The following COL8A2 variants were observed in gnomAD, a reference collection of about 807,000 sequenced individuals.
COL8A2 encodes collagen type VIII alpha 2 chain, also known as collagen alpha-2(VIII) chain.
In COL8A2, 16 loss-of-function variants were observed where a neutral mutation model predicts 24.0. The observed-to-expected ratio is 0.67, with a 90% CI of 0.45 to 1.01. The LOEUF is 1.01. Ranked by LOEUF, COL8A2 falls within the 50% of genes least tolerant of loss-of-function variation. The probability of loss-of-function intolerance (pLI) is 0.00; values close to 1 mark genes in which losing one functional copy is unlikely to be tolerated. For missense variants in COL8A2, 818 were observed against 942.4 expected (o/e 0.87, Z 1.73); for synonymous variants, 466 against 424.5 (o/e 1.10, Z -1.20).
At chr1:36,108,363 T>A (rs1167138053) in intron 2 of COL8A2, among the ~76,000 whole-genome samples, 1 of 152,222 alleles carries the variant, frequency 6.6e-6, no homozygotes, top group East Asian at 1.9e-4. Flanking sequence ...GGCTCAAGCC[T>A]GGCTCTGCCC....
chr1:36,112,746 T>G (rs1378124028), intron 2 of COL8A2, among the ~76,000 whole-genome samples: 1 of 152,192 alleles, frequency 6.6e-6, no homozygotes, highest in Non-Finnish European at 1.5e-5. Flanking sequence ...CCACAATGCT[T>G]CTAACACTTT....
At chr1:36,124,965 G>T in intron 1 of COL8A2, 92 bp downstream of exon 1, 1 of 445,960 alleles carries the variant, frequency 2.2e-6, no homozygotes, top group Non-Finnish European at 3.0e-6. Flanking sequence ...CGCCGGCCCT[G>T]CTATCCCGCA....
chr1:36,110,039 C>G (rs1375016361), intron 2 of COL8A2, among the ~76,000 whole-genome samples: 1 of 151,210 alleles, frequency 6.6e-6, no homozygotes, highest in South Asian at 2.1e-4. Flanking sequence ...ACGCCATTCT[C>G]CTGCCTCAGC....
chr1:36,118,222 G>C (rs966990385), intron 1 of COL8A2, among the ~76,000 whole-genome samples: 1 of 152,204 alleles, frequency 6.6e-6, no homozygotes, highest in Non-Finnish European at 1.5e-5. Flanking sequence ...CATTCTCTAA[G>C]GAAACCAGGC....
intron 2 of COL8A2, among the ~76,000 whole-genome samples, chr1:36,111,542 TCC>T (rs1342524278): frequency 1.7e-5 from 2 of 118,464 alleles, no homozygotes; most frequent in African/African-American, 6.6e-5. Context: ...CTACGATGTC[TCC>T]CCTGAGCCAT....
chr1:36,121,494 G>A (rs1462850543), intron 1 of COL8A2, among the ~76,000 whole-genome samples: 1 of 151,484 alleles, frequency 6.6e-6, no homozygotes, highest in African/African-American at 2.4e-5. Flanking sequence ...GCCAAGGCGG[G>A]CGGATCACCT....
At chr1:36,102,302 C>A (rs1016720734) in intron 2 of COL8A2, among the ~76,000 whole-genome samples, 1 of 152,120 alleles carries the variant, frequency 6.6e-6, no homozygotes, top group South Asian at 2.1e-4. Context: ...ATAGGCAAAT[C>A]CATAGAGACA....
At chr1:36,113,214 G>T (rs566189512) in intron 2 of COL8A2, among the ~76,000 whole-genome samples, 2 of 152,158 alleles carry the variant, frequency 1.3e-5, no homozygotes, top group Admixed American at 1.3e-4. Context: ...TCAGTCCATC[G>T]CTGTGTGTCA....
Position 36,099,058 on chromosome 1 carries a change from T to C in COL8A2, c.623A>G (p.Asn208Ser). 1 of 1,510,124 alleles carries C rather than the reference T, an allele frequency of 6.6e-7. No homozygotes were observed. Among genetic ancestry groups the C allele is most frequent in the South Asian group, 1.3e-5 (1 of 77,816 alleles). 93.5% of individuals were successfully genotyped at this position (1,510,124 alleles called of 1,614,324 possible). The part of the protein sequence containing the change: ...PPGDRGLKGD[N>S]GVGQPGLPGA... ...AGGCAGCCCGGGCTGGCCCACTCCA[T>C]TATCCCCCTTGAGGCCTCGATCACC... Residue 208 changes from asparagine to serine, a missense_variant, in exon 4 of 4, where the codon AAT becomes AGT. Asn to Ser is a conservative substitution (Grantham distance 46, BLOSUM62 1). Around this residue, in one of 3 missense-constraint regions of COL8A2, gnomAD observed 573 missense variants for 616.8 expected, o/e 0.93. Coordinates refer to ENST00000397799, the MANE Select transcript of COL8A2 (RefSeq NM_005202.4).
At position 36,095,696 on chromosome 1, in the gene COL8A2, T is replaced by C. The variant is rs888165512; in HGVS notation, c.*1873A>G. On this transcript the variant is annotated 3_prime_UTR_variant, in exon 4 of 4. Transcript: ENST00000397799. ...CCCTACTTAGTTCCGTGGGCTCCCA[T>C]TGGGAGCTGATTAATTTCTGCCAAT... The C allele has an allele frequency of 1.3e-5, 2 of 152,130 alleles. No homozygotes were observed. The highest frequency in any genetic ancestry group is 2.9e-5 in the Non-Finnish European group (2 of 68,004). 9.4% of individuals were successfully genotyped at this position (152,130 alleles called of 1,614,324 possible). A position where few individuals can be genotyped will look rare whatever the true frequency, so the allele number is the denominator to read the frequency against.
intron 2 of COL8A2, among the ~76,000 whole-genome samples, chr1:36,104,124 G>T (rs1238721605): frequency 1.3e-5 from 2 of 152,028 alleles, no homozygotes; most frequent in Admixed American, 6.6e-5. Context: ...AACCTGGGAG[G>T]CGGAGCTCAC....
In COL8A2 at chr1:36,122,162, T is replaced by C. The variant is rs1295035899; in HGVS notation, c.-62+2895A>G. On this transcript the variant is annotated intron_variant, in intron 1 of 3. Coordinates refer to ENST00000397799, the MANE Select transcript of COL8A2 (RefSeq NM_005202.4). ...GGAAGATCTAGGTGCTGTGCCCCCA[T>C]TGCATGTGTGACCTGGAACTACTCC... Among the ~76,000 whole-genome samples the C allele has an allele frequency of 2.6e-5, 4 of 152,224 alleles. No homozygotes were observed. In the South Asian group the frequency reaches 6.2e-4, roughly 24 times the overall value.
intron 1 of COL8A2, among the ~76,000 whole-genome samples, chr1:36,121,204 T>C (rs1643911537): frequency 6.8e-6 from 1 of 146,436 alleles, no homozygotes; most frequent in African/African-American, 2.5e-5. Context: ...GCCTGGCCGA[T>C]ACAGTGAAAC....
In COL8A2 at chr1:36,102,674, T is replaced by G. The variant is rs1294786344; in HGVS notation, c.-16-2416A>C. ...ATATCTATAAAGCTGGTTTTTTGTT[T>G]TTTTTTTTTTTTTTTGAGATGGAGT... On this transcript the variant is annotated intron_variant, in intron 2 of 3. Transcript: ENST00000397799. Among the ~76,000 whole-genome samples, 5 of 134,554 alleles carry G rather than the reference T, an allele frequency of 3.7e-5. 1 individual carries two copies. Among genetic ancestry groups the G allele is most frequent in the African/African-American group, 1.1e-4 (4 of 36,444 alleles). The allele number at this position is 134,554 out of a possible 152,430, so 88.3% of individuals were successfully genotyped here. A position where few individuals can be genotyped will look rare whatever the true frequency, so the allele number is the denominator to read the frequency against.
chr1:36,102,558 G>T (rs758710426), intron 2 of COL8A2, among the ~76,000 whole-genome samples: 2 of 151,050 alleles, frequency 1.3e-5, no homozygotes, highest in Admixed American at 1.3e-4. Flanking sequence ...TTCAAAAATT[G>T]ATTGTGGTGA....
chr1:36,103,483 C>T (rs555545009), intron 2 of COL8A2, among the ~76,000 whole-genome samples: 1 of 151,836 alleles, frequency 6.6e-6, no homozygotes, highest in East Asian at 1.9e-4. Context: ...CTGTGTTAGC[C>T]AGGATGGTCT....
chr1:36,104,496 A>T (rs1287821200), intron 2 of COL8A2, among the ~76,000 whole-genome samples: 1 of 149,556 alleles, frequency 6.7e-6, no homozygotes, highest in Admixed American at 6.7e-5. Context: ...GCCTCAAATA[A>T]ATAAATAAAT....
rs556550937 is a variant in COL8A2, at chr1:36,115,133, C to T, written c.-17+575G>A. 5.9e-5 allele frequency among the ~76,000 whole-genome samples: 9 copies of T among 152,254 alleles called. No individual in the cohort carries two copies. In the South Asian group the frequency reaches 1.7e-3, roughly 28 times the overall value. ...CAGGGGCTCCGGCCTCAGCTGGGGC[C>T]GTCGCTTGCCTCCCAGCAGAGGCCT... On this transcript the variant is annotated intron_variant, in intron 2 of 3. Transcript: ENST00000397799. The surrounding 1 kb of genome is among the most constrained non-coding windows in gnomAD (Gnocchi z 5.7).
chr1:36,102,146 C>G (rs945422168), intron 2 of COL8A2, among the ~76,000 whole-genome samples: 1 of 152,102 alleles, frequency 6.6e-6, no homozygotes, highest in Admixed American at 6.6e-5. Flanking sequence ...GCCTGGGTGA[C>G]AGAGGGAGAC....
Sources: allele counts gnomAD v4.1 joint callset (sites outside exome capture counted in the v4.1 genomes callset), GRCh38; gene constraint gnomAD v4.1.1; regional missense constraint gnomAD v4.1.1; non-coding constraint Gnocchi (gnomAD v3.1); transcripts MANE v1.5; gene names NCBI Gene and HGNC (gene_info 2026-07-23, HGNC 2026-07-21).